ADGRB3: variants seen among roughly 807,000 people sequenced by gnomAD.
ADGRB3 encodes adhesion G protein-coupled receptor B3.
In ADGRB3, 37 loss-of-function variants were observed where a neutral mutation model predicts 193.4. The ratio of observed to expected loss-of-function variants is 0.19; its 90% CI spans 0.15 to 0.25. The LOEUF is 0.25. Ranked by LOEUF, ADGRB3 falls within the 10% of genes least tolerant of loss-of-function variation. ADGRB3 has a pLI of 1.00. For synonymous variants in ADGRB3, 690 were observed against 644.2 expected (o/e 1.07, Z -1.08); for missense variants, 1,637 against 1,852.9 (o/e 0.88, Z 2.14).
At chr6:68,733,843 C>T (rs1765822604) in intron 3 of ADGRB3, among the ~76,000 whole-genome samples, 1 of 150,932 alleles carries the variant, frequency 6.6e-6, no homozygotes, top group African/African-American at 2.5e-5. Context: ...TAAGAATGTA[C>T]ATGACAAGAA....
chr6:68,887,059 A>G (rs1765929303), intron 3 of ADGRB3, among the ~76,000 whole-genome samples: 2 of 138,142 alleles, frequency 1.4e-5, no homozygotes, highest in South Asian at 5.1e-4. Context: ...TCTGTTGTAA[A>G]TATATATATA....
intron 3 of ADGRB3, among the ~76,000 whole-genome samples, chr6:68,723,922 A>G (rs1445002408): frequency 2.0e-5 from 3 of 151,638 alleles, no homozygotes; most frequent in Admixed American, 2.0e-4. Flanking sequence ...GTTATCATCT[A>G]GTGAGATTTA....
Position 69,052,301 on chromosome 6 carries a change from T to G in ADGRB3, c.2333+2955T>G, listed in dbSNP as rs191671067. Among the ~76,000 whole-genome samples, 123 of 152,356 alleles carry G rather than the reference T, an allele frequency of 8.1e-4. No individual in the cohort carries two copies. The East Asian group carries it at 0.02, about 25-fold the overall frequency. ...TTTAGGACCAGAGGATTAAAAGATG[T>G]GTATTTTGTAATTTTACTATATGTT... On this transcript the variant is annotated intron_variant, in intron 15 of 31. Transcript: ENST00000370598.
chr6:68,674,286 C>G (rs566422033), intron 3 of ADGRB3, among the ~76,000 whole-genome samples: 1 of 151,816 alleles, frequency 6.6e-6, no homozygotes, highest in Non-Finnish European at 1.5e-5. Flanking sequence ...TTAGTTGCAA[C>G]GTAACATGAT....
At chr6:69,163,120 A>G (rs1054328492) in intron 17 of ADGRB3, among the ~76,000 whole-genome samples, 1 of 152,054 alleles carries the variant, frequency 6.6e-6, no homozygotes, top group Non-Finnish European at 1.5e-5. Flanking sequence ...TTAGTTCAAC[A>G]TGTTATAAAT....
chr6:68,943,840 A>G lies in ADGRB3; in HGVS notation c.1041A>G (p.Val347=). The stretch of plus-strand genomic sequence containing the variant: ...TTTGCTTTATTACAGTACACGGAGT[A>G]TGGGAGGAATGGTCACCATGGAGTT... ...NNTALCPVHG[V]WEEWSPWSLC... Residue 347 remains valine, a synonymous_variant, in exon 6 of 32, where the codon GTA becomes GTG. Transcript: ENST00000370598. The G allele has an allele frequency of 6.2e-7, 1 of 1,613,024 alleles. No individual in the cohort carries two copies. Among genetic ancestry groups the G allele is most frequent in the Non-Finnish European group, 8.5e-7 (1 of 1,179,282 alleles).
intron 3 of ADGRB3, among the ~76,000 whole-genome samples, chr6:68,801,420 G>T (rs1001244018): frequency 6.6e-6 from 1 of 152,116 alleles, no homozygotes; most frequent in Non-Finnish European, 1.5e-5. Flanking sequence ...GGGCGCAGTG[G>T]CTCATGCCTG....
In ADGRB3 at chr6:68,937,340, C is replaced by T. The variant is rs574790514; in HGVS notation, c.1030+660C>T. On this transcript the variant is annotated intron_variant, in intron 5 of 31. Transcript: ENST00000370598. Reference sequence around the variant, plus strand: ...ACAATTTTGTTCTTCAGTTGATGCACGCATGCATATTATAGACATTTCTCC... The same window carrying T: ...ACAATTTTGTTCTTCAGTTGATGCATGCATGCATATTATAGACATTTCTCC... Among the ~76,000 whole-genome samples, 24 of 152,228 alleles carry T rather than the reference C, an allele frequency of 1.6e-4. No individual in the cohort carries two copies. The East Asian group carries it at 2.9e-3, about 18-fold the overall frequency.
intron 12 of ADGRB3, among the ~76,000 whole-genome samples, chr6:69,017,062 G>C (rs1394578239): frequency 6.6e-6 from 1 of 151,872 alleles, no homozygotes; most frequent in Non-Finnish European, 1.5e-5. Flanking sequence ...GAAGCTAAGA[G>C]ACAGGTTTTA....
chr6:69,089,995 G>T (rs796185521), intron 17 of ADGRB3, among the ~76,000 whole-genome samples: 6 of 152,258 alleles, frequency 3.9e-5, no homozygotes, highest in African/African-American at 1.2e-4. Context: ...CAACCTCTTG[G>T]AGCTATGTAA....
At chr6:69,125,150 A>C (rs9363984) in intron 17 of ADGRB3, among the ~76,000 whole-genome samples, 3 of 152,084 alleles carry the variant, frequency 2.0e-5, no homozygotes, top group African/African-American at 7.2e-5. Flanking sequence ...CCAACCTAAC[A>C]TCCCTTTTGG....
At chr6:68,727,118 TC>T (rs573611192) in intron 3 of ADGRB3, among the ~76,000 whole-genome samples, 55 of 151,744 alleles carry the variant, frequency 3.6e-4, no homozygotes, top group African/African-American at 1.3e-3. Flanking sequence ...GATATCCAGT[TC>T]CTTTTCAGCT....
intron 17 of ADGRB3, among the ~76,000 whole-genome samples, chr6:69,181,881 A>G (rs2150351695): frequency 6.6e-6 from 1 of 152,324 alleles, no homozygotes; most frequent in Admixed American, 6.5e-5. Flanking sequence ...CTAGGTTAAT[A>G]ATTTCTTGTG....
At chr6:69,015,853 A>C (rs1391767436) in intron 12 of ADGRB3, among the ~76,000 whole-genome samples, 2 of 151,988 alleles carry the variant, frequency 1.3e-5, no homozygotes, top group African/African-American at 2.4e-5. Flanking sequence ...TTAAAAAAAA[A>C]AACTACATTC....
chr6:69,220,096 T>C (rs879025287), intron 17 of ADGRB3, among the ~76,000 whole-genome samples: 1 of 152,084 alleles, frequency 6.6e-6, no homozygotes, highest in Non-Finnish European at 1.5e-5. Flanking sequence ...TATTGGTTTT[T>C]AATGTTTTTG....
intron 3 of ADGRB3, among the ~76,000 whole-genome samples, chr6:68,766,932 A>G (rs947426965): frequency 3.9e-5 from 6 of 152,066 alleles, no homozygotes; most frequent in African/African-American, 1.4e-4. Context: ...TTTTTCATCC[A>G]TGGTTCTCAA....
At chr6:69,181,362 T>C (rs1157909569) in intron 17 of ADGRB3, among the ~76,000 whole-genome samples, 1 of 152,134 alleles carries the variant, frequency 6.6e-6, no homozygotes, top group Non-Finnish European at 1.5e-5. Flanking sequence ...ATATTCTTAT[T>C]TTTTTAAAAA....
At chr6:68,735,466 A>C (rs566835614) in intron 3 of ADGRB3, among the ~76,000 whole-genome samples, 3 of 152,200 alleles carry the variant, frequency 2.0e-5, no homozygotes, top group African/African-American at 7.2e-5. Context: ...CAAATTAGAA[A>C]TAGAAAAGAT....
At chr6:69,203,230 A>G (rs1222033366) in intron 17 of ADGRB3, among the ~76,000 whole-genome samples, 2 of 152,192 alleles carry the variant, frequency 1.3e-5, no homozygotes, top group African/African-American at 4.8e-5. Flanking sequence ...TGGAAAGTAC[A>G]ACGGCATTGC....
Sources: gnomAD v4.1 joint callset for allele counts (sites outside exome capture counted in the v4.1 genomes callset) on GRCh38, gnomAD v4.1.1 for gene constraint, MANE v1.5 for transcripts, NCBI Gene and HGNC (gene_info 2026-07-23, HGNC 2026-07-21) for gene names.